Variants in KCNIP1 observed in about 807,000 individuals in gnomAD.
The protein encoded by KCNIP1 is potassium voltage-gated channel interacting protein 1, also known as A-type potassium channel modulatory protein KCNIP1.
Under a neutral mutation model 33.0 loss-of-function variants are expected in KCNIP1, and 18 were observed. The ratio of observed to expected loss-of-function variants is 0.55; its 90% CI spans 0.38 to 0.81. The LOEUF (loss-of-function observed/expected upper bound fraction) is 0.81. KCNIP1 is among the 30% of genes least tolerant of loss of function. The pLI is 0.00. For missense variants in KCNIP1, 238 were observed against 271.6 expected, an observed-to-expected ratio of 0.88 and a Z score of 0.87; for synonymous variants, 93 against 98.3, an observed-to-expected ratio of 0.95 and a Z score of 0.32.
At chr5:170,644,444 T>C (rs532776398) in intron 1 of KCNIP1, among the ~76,000 whole-genome samples, 1 of 152,308 alleles carries the variant, frequency 6.6e-6, no homozygotes, top group East Asian at 1.9e-4. Context: ...CAGACTCCAC[T>C]GGATCCTGGA....
chr5:170,436,510 A>G, intron 1 of KCNIP1, among the ~76,000 whole-genome samples: 1 of 152,208 alleles, frequency 6.6e-6, no homozygotes, highest in East Asian at 1.9e-4. Context: ...TGGAATCCCC[A>G]GGAGGGAACA....
intron 1 of KCNIP1, among the ~76,000 whole-genome samples, chr5:170,633,187 C>T (rs1760128559): frequency 1.3e-5 from 2 of 152,040 alleles, no homozygotes; most frequent in Admixed American, 1.3e-4. Context: ...GTGTGGGGCG[C>T]CACCTGGCGT....
intron 1 of KCNIP1, among the ~76,000 whole-genome samples, chr5:170,598,196 C>T (rs1397760032): frequency 2.0e-5 from 3 of 152,154 alleles, no homozygotes; most frequent in Admixed American, 1.3e-4. Context: ...TCCACCAGCT[C>T]GACACCCTTT....
chr5:170,422,376 A>G (rs1453542755), intron 1 of KCNIP1: 1 of 152,234 alleles, frequency 6.6e-6, no homozygotes, highest in Non-Finnish European at 1.5e-5. Flanking sequence ...TGGACAATTT[A>G]TGCTTCTAGA....
At chr5:170,718,579 C>T (rs988532601) in intron 1 of KCNIP1, among the ~76,000 whole-genome samples, 179 bp from the exon 2 acceptor site, 5 of 152,152 alleles carry the variant, frequency 3.3e-5, no homozygotes, top group Admixed American at 6.5e-5. Flanking sequence ...TGGTGTTTGA[C>T]GCAGAGGCTG....
At chr5:170,547,035 A>T (rs1363378730) in intron 1 of KCNIP1, among the ~76,000 whole-genome samples, 2 of 152,224 alleles carry the variant, frequency 1.3e-5, no homozygotes, top group Non-Finnish European at 2.9e-5. Context: ...ATTCATTTAC[A>T]GTTGGTCAAT....
intron 7 of KCNIP1, 78 bp downstream of exon 7, chr5:170,733,976 G>A: frequency 1.6e-6 from 2 of 1,227,496 alleles, no homozygotes; most frequent in Non-Finnish European, 2.4e-6. Context: ...CAGAAGGAAG[G>A]TGATGAGAAA....
chr5:170,515,456 G>A (rs998083286), intron 1 of KCNIP1, among the ~76,000 whole-genome samples: 1 of 152,184 alleles, frequency 6.6e-6, no homozygotes, highest in Non-Finnish European at 1.5e-5. Context: ...AGAAGCTGCT[G>A]GAAAATTAGA....
intron 1 of KCNIP1, among the ~76,000 whole-genome samples, chr5:170,629,238 G>C (rs1759956201): frequency 6.6e-6 from 1 of 152,222 alleles, no homozygotes; most frequent in Non-Finnish European, 1.5e-5. Flanking sequence ...CGGGGTGCAG[G>C]TAGGGCCTGA....
At chr5:170,679,160 G>A (rs1221557724) in intron 1 of KCNIP1, 2 of 152,252 alleles carry the variant, frequency 1.3e-5, no homozygotes, top group East Asian at 1.9e-4. Context: ...AGACAGTGGG[G>A]AGGGTGAAGA....
chr5:170,483,245 A>T (rs1460108951), intron 1 of KCNIP1: 1 of 290,264 alleles, frequency 3.4e-6, no homozygotes, highest in African/African-American at 2.3e-5. Flanking sequence ...CCCTAGGGTG[A>T]TCCCAGGCTG....
chr5:170,721,481 C>G (rs2113873752), intron 3 of KCNIP1, among the ~76,000 whole-genome samples: 1 of 152,298 alleles, frequency 6.6e-6, no homozygotes, highest in Non-Finnish European at 1.5e-5. Flanking sequence ...GTTCAGGTCT[C>G]TCTACTCTGG....
chr5:170,651,411 G>C (rs1761037635), intron 1 of KCNIP1, among the ~76,000 whole-genome samples: 1 of 152,046 alleles, frequency 6.6e-6, no homozygotes, highest in Non-Finnish European at 1.5e-5. Context: ...CACAAACTTG[G>C]GCCTAATAAG....
intron 1 of KCNIP1, among the ~76,000 whole-genome samples, chr5:170,361,367 G>C (rs6895628): frequency 0.39 from 59,134 of 152,086 alleles, 12,337 homozygotes; most frequent in African/African-American, 0.55. Flanking sequence ...CACTGACCAC[G>C]CTCTCTGTCA....
At chr5:170,696,769 C>CTGTGTAGGAGGGTGACTT (rs1382026443) in intron 1 of KCNIP1, among the ~76,000 whole-genome samples, 5 of 152,190 alleles carry the variant, frequency 3.3e-5, no homozygotes, top group Non-Finnish European at 5.9e-5. Flanking sequence ...CTGTGTGTGT[C>CTGTGTAGGAGGGTGACTT]TGTGTAGGAG....
chr5:170,697,540 C>G (rs1057340109), intron 1 of KCNIP1, among the ~76,000 whole-genome samples: 2 of 152,156 alleles, frequency 1.3e-5, no homozygotes, highest in Non-Finnish European at 2.9e-5. Flanking sequence ...ATGGTGAGTA[C>G]ATGAAATTGA....
chr5:170,624,412 A>G (rs1383035376), intron 1 of KCNIP1, among the ~76,000 whole-genome samples: 1 of 152,048 alleles, frequency 6.6e-6, no homozygotes, highest in Admixed American at 6.6e-5. Context: ...TGACTGACGA[A>G]GGGGTACAAA....
chr5:170,391,452 C>T (rs993248887), intron 1 of KCNIP1, among the ~76,000 whole-genome samples: 4 of 152,224 alleles, frequency 2.6e-5, no homozygotes, highest in Admixed American at 6.5e-5. Context: ...TTGACAAGCC[C>T]TGTCCTCGAG....
chr5:170,460,584 A>G (rs1451958952), intron 1 of KCNIP1, among the ~76,000 whole-genome samples: 2 of 152,246 alleles, frequency 1.3e-5, no homozygotes, highest in Non-Finnish European at 2.9e-5. Context: ...AATTAAAAAC[A>G]AAAATCACAG....
Sources: gnomAD v4.1 joint callset for allele counts (sites outside exome capture counted in the v4.1 genomes callset) on GRCh38, gnomAD v4.1.1 for gene constraint, MANE v1.5 for transcripts, NCBI Gene and HGNC (gene_info 2026-07-23, HGNC 2026-07-21) for gene names.